Variants in PCDHA5 observed in about 807,000 individuals in gnomAD.
PCDHA5 encodes protocadherin alpha 5.
Under a neutral mutation model 61.6 loss-of-function variants are expected in PCDHA5, and 43 were observed. The ratio of observed to expected loss-of-function variants is 0.70; its 90% CI spans 0.55 to 0.90. The LOEUF (loss-of-function observed/expected upper bound fraction) is 0.90. Among genes scored for constraint, PCDHA5 ranks in the 40% least tolerant of loss-of-function variants. The probability of loss-of-function intolerance (pLI) is 0.00; values close to 1 mark genes in which losing one functional copy is unlikely to be tolerated. For missense variants in PCDHA5, 1,298 were observed against 1,222.7 expected (o/e 1.06, Z -0.92); for synonymous variants, 627 against 543.9 (o/e 1.15, Z -2.13).
intron 1 of PCDHA5, chr5:140,928,636 A>G: frequency 6.2e-7 from 1 of 1,614,206 alleles, no homozygotes; most frequent in Non-Finnish European, 8.5e-7. Context: ...CTTGGTCACA[A>G]AAGTGGTAGC....
intron 1 of PCDHA5, chr5:140,875,799 C>T (rs781911910): frequency 5.6e-6 from 9 of 1,614,014 alleles, no homozygotes. Flanking sequence ...TGGAGGTGAT[C>T]GTGGACAGGC....
At chr5:140,948,543 T>C (rs1226242016) in intron 1 of PCDHA5, among the ~76,000 whole-genome samples, 2 of 151,702 alleles carry the variant, frequency 1.3e-5, no homozygotes, top group Non-Finnish European at 3.0e-5. Flanking sequence ...TTTCATGCTC[T>C]GTCAATTTTG....
chr5:140,839,351 T>C (rs1465264211), intron 1 of PCDHA5, among the ~76,000 whole-genome samples: 3 of 147,262 alleles, frequency 2.0e-5, no homozygotes, highest in Non-Finnish European at 4.5e-5. Context: ...GGATCCTCCT[T>C]AGCCACCTAA....
intron 1 of PCDHA5, among the ~76,000 whole-genome samples, chr5:140,918,467 C>T (rs2078709178): frequency 6.6e-6 from 1 of 152,006 alleles, no homozygotes; most frequent in Non-Finnish European, 1.5e-5. Context: ...TGTCTTATTC[C>T]AAGTCTCAAG....
chr5:140,866,976 C>T (rs2049689450), intron 1 of PCDHA5: 2 of 152,224 alleles, frequency 1.3e-5, no homozygotes, highest in East Asian at 1.9e-4. Context: ...TCTGAAATAT[C>T]ACAGCCAAAA....
chr5:140,881,241 T>C, intron 1 of PCDHA5: 1 of 382,456 alleles, frequency 2.6e-6, no homozygotes, highest in Non-Finnish European at 3.6e-6. Context: ...TCAATTTAAA[T>C]GACGGCAAGG....
At position 140,999,690 on chromosome 5, in the gene PCDHA5, G is replaced by A. The variant is rs113599808; in HGVS notation, c.2501-9937G>A. Among the ~76,000 whole-genome samples the A allele has an allele frequency of 6.4e-3, 977 of 152,230 alleles. 14 individuals are homozygous for A. Among genetic ancestry groups the A allele is most frequent in the African/African-American group, 0.023 (950 of 41,554 alleles). Reference sequence around the variant, plus strand: ...CGGGGGGCTCACAGAAAGAAGAAATGTGATTTTTTTTTAGCTAACTACGGA... The same window carrying A: ...CGGGGGGCTCACAGAAAGAAGAAATATGATTTTTTTTTAGCTAACTACGGA... On this transcript the variant is annotated intron_variant, in intron 3 of 3. Coordinates refer to ENST00000529859, the MANE Select transcript of PCDHA5 (RefSeq NM_018908.3).
rs2150113743 is a variant in PCDHA5, at chr5:140,822,110, C to T, written c.335C>T (p.Pro112Leu). 266 of 1,614,090 alleles carry T rather than the reference C, an allele frequency of 1.6e-4. No individual in the cohort carries two copies. Among genetic ancestry groups the T allele is most frequent in the Non-Finnish European group, 2.2e-4 (256 of 1,180,060 alleles). ...CACCTGGAGGTGATCGTGGACAGGC[C>T]GCTGCAGGTTTTCCATGTGGAGGTG... ...SIHLEVIVDR[P>L]LQVFHVEVAV... The change falls in exon 1 of 4, where the codon CCG becomes CTG. Residue 112 changes from proline (P) to leucine (L), a missense_variant. Pro to Leu is a moderately conservative substitution (Grantham distance 98). Coordinates refer to ENST00000529859, the MANE Select transcript of PCDHA5 (RefSeq NM_018908.3).
intron 3 of PCDHA5, among the ~76,000 whole-genome samples, chr5:140,990,715 A>G (rs927680875): frequency 1.3e-5 from 2 of 152,194 alleles, no homozygotes; most frequent in Non-Finnish European, 2.9e-5. Context: ...GGATAAGAGC[A>G]TCACTAGGTA....
chr5:140,960,188 G>A (rs1371016387), intron 1 of PCDHA5, among the ~76,000 whole-genome samples: 7 of 152,132 alleles, frequency 4.6e-5, no homozygotes, highest in Non-Finnish European at 7.4e-5. Flanking sequence ...GGTTGCATGT[G>A]TAGTGGTCAG....
At chr5:140,912,797 G>C (rs2076071117) in intron 1 of PCDHA5, among the ~76,000 whole-genome samples, 1 of 152,128 alleles carries the variant, frequency 6.6e-6, no homozygotes, top group South Asian at 2.1e-4. Flanking sequence ...CAATTTTCTT[G>C]AGGGTTTTTA....
At chr5:140,908,706 T>C (rs2074108716) in intron 1 of PCDHA5, among the ~76,000 whole-genome samples, 1 of 152,132 alleles carries the variant, frequency 6.6e-6, no homozygotes, top group South Asian at 2.1e-4. Context: ...TCAAGCACCA[T>C]TGGATCTGCT....
chr5:140,869,602 C>T (rs2051279273), intron 1 of PCDHA5: 2 of 1,613,922 alleles, frequency 1.2e-6, no homozygotes, highest in Non-Finnish European at 8.5e-7. Flanking sequence ...AGAGAATGCT[C>T]TATTGACCTA....
chr5:140,952,378 A>G (rs1282372403), intron 1 of PCDHA5, among the ~76,000 whole-genome samples: 1 of 151,376 alleles, frequency 6.6e-6, no homozygotes, highest in Non-Finnish European at 1.5e-5. Flanking sequence ...TTCCTCTGCC[A>G]GGTACCCTAA....
intron 1 of PCDHA5, chr5:140,828,867 C>A: frequency 1.9e-6 from 3 of 1,614,214 alleles, no homozygotes; most frequent in South Asian, 1.1e-5. Flanking sequence ...GACAACGGAA[C>A]AACAGTTATC....
chr5:140,887,222 G>A (rs1406254180), intron 1 of PCDHA5, among the ~76,000 whole-genome samples: 1 of 151,284 alleles, frequency 6.6e-6, no homozygotes, highest in Non-Finnish European at 1.5e-5. Flanking sequence ...TCAGCCTCCC[G>A]AGTAGCTGAG....
intron 1 of PCDHA5, among the ~76,000 whole-genome samples, chr5:140,975,053 A>G (rs2096651589): frequency 1.3e-5 from 2 of 152,144 alleles, no homozygotes; most frequent in Admixed American, 6.5e-5. Flanking sequence ...GGAAGAATCT[A>G]CTATCGAGCT....
intron 3 of PCDHA5, among the ~76,000 whole-genome samples, chr5:140,990,782 C>T (rs1460964532): frequency 2.0e-5 from 3 of 152,120 alleles, no homozygotes; most frequent in Non-Finnish European, 1.5e-5. Context: ...CTGTGTTGGA[C>T]GATGAACCAT....
intron 1 of PCDHA5, chr5:140,869,092 A>G (rs782192400): frequency 1.7e-5 from 27 of 1,591,278 alleles, no homozygotes; most frequent in Non-Finnish European, 2.1e-5. Flanking sequence ...TTGGAAGCCA[A>G]TTTCGTATGC....
Sources: allele counts gnomAD v4.1 joint callset (sites outside exome capture counted in the v4.1 genomes callset), GRCh38; gene constraint gnomAD v4.1.1; transcripts MANE v1.5; gene names NCBI Gene and HGNC (gene_info 2026-07-23, HGNC 2026-07-21).